The following LRRC37A2 variants were observed in gnomAD, a reference collection of about 807,000 sequenced individuals.
The protein encoded by LRRC37A2 is leucine rich repeat containing 37 member A2.
A neutral mutation model predicts 68.8 loss-of-function variants in LRRC37A2; 9 were observed. That is an observed-to-expected ratio of 0.13 (90% CI 0.08 to 0.23). The LOEUF (loss-of-function observed/expected upper bound fraction) is 0.23, where lower values mean the gene tolerates loss of function less well. Among genes scored for constraint, LRRC37A2 ranks in the 10% least tolerant of loss-of-function variants. The probability of loss-of-function intolerance (pLI) is 1.00; values close to 1 mark genes in which losing one functional copy is unlikely to be tolerated. For synonymous variants in LRRC37A2, 63 were observed against 367.6 expected (o/e 0.17, Z 9.48); for missense variants, 168 against 950.4 (o/e 0.18, Z 10.82).
At chr17:46,755,759 G>T in the LRRC37A2 span, 2 of 1,530,736 alleles carry the variant, frequency 1.3e-6, no homozygotes, top group South Asian at 1.2e-5. Flanking sequence ...AGTTTTTTAC[G>T]GACCCTCATC....
chr17:46,679,703 A>G, the LRRC37A2 span, among the ~76,000 whole-genome samples: 2 of 151,664 alleles, frequency 1.3e-5, no homozygotes, highest in Non-Finnish European at 2.9e-5. Flanking sequence ...AAAAAAAAAA[A>G]AAAGAAGCTA....
At chr17:46,839,956 CT>C in the LRRC37A2 span, among the ~76,000 whole-genome samples, 1 of 147,182 alleles carries the variant, frequency 6.8e-6, no homozygotes, top group Non-Finnish European at 1.5e-5. Flanking sequence ...TTCTTTCTTT[CT>C]TTCTTTCTTT....
the LRRC37A2 span, chr17:46,933,095 T>G: frequency 6.6e-6 from 1 of 152,256 alleles, no homozygotes; most frequent in Admixed American, 6.5e-5. Context: ...TTCAAAAATT[T>G]AATGAACTAT....
chr17:46,388,991 T>G, the LRRC37A2 span, among the ~76,000 whole-genome samples: 1 of 76,952 alleles, frequency 1.3e-5, no homozygotes, highest in African/African-American at 5.5e-5. Context: ...AGATCAGGAG[T>G]TCGAGACCAC....
chr17:46,931,046 TTTAAG>T, the LRRC37A2 span: 4 of 960,564 alleles, frequency 4.2e-6, 1 homozygote, highest in South Asian at 5.2e-5. Context: ...ATCATTGTAA[TTTAAG>T]TTCACTATCT....
chr17:46,888,320 G>A, the LRRC37A2 span, among the ~76,000 whole-genome samples: 1 of 152,132 alleles, frequency 6.6e-6, no homozygotes, highest in Non-Finnish European at 1.5e-5. Flanking sequence ...CAACGTTGCA[G>A]GGTCACTGGG....
chr17:46,961,978 C>A, the LRRC37A2 span, among the ~76,000 whole-genome samples: 2,247 of 152,128 alleles, frequency 0.015, 58 homozygotes, highest in African/African-American at 0.052. Context: ...CTGTGCAAAT[C>A]CAAAAACATG....
At chr17:46,874,928 G>A in the LRRC37A2 span, 1 of 998,112 alleles carries the variant, frequency 1.0e-6, no homozygotes, top group Non-Finnish European at 1.6e-6. Flanking sequence ...AGGGGCAGTT[G>A]ACAGGGAGAC....
the LRRC37A2 span, among the ~76,000 whole-genome samples, chr17:46,813,592 A>C: frequency 6.6e-6 from 1 of 151,836 alleles, no homozygotes; most frequent in East Asian, 1.9e-4. Flanking sequence ...TAGGTGGAAA[A>C]GGTTCTGCTC....
the LRRC37A2 span, among the ~76,000 whole-genome samples, chr17:46,982,370 G>A: frequency 2.0e-5 from 3 of 152,244 alleles, no homozygotes; most frequent in Admixed American, 6.5e-5. Context: ...GGTGGGGTGA[G>A]TGAGGATGCA....
At chr17:46,770,385 G>C in the LRRC37A2 span, among the ~76,000 whole-genome samples, 1 of 152,172 alleles carries the variant, frequency 6.6e-6, no homozygotes, top group South Asian at 2.1e-4. Context: ...CTTCTGTCCT[G>C]GTCCCACACC....
At chr17:46,751,277 C>T in the LRRC37A2 span, among the ~76,000 whole-genome samples, 4 of 152,060 alleles carry the variant, frequency 2.6e-5, no homozygotes, top group Non-Finnish European at 4.4e-5. Context: ...AGTTACATAG[C>T]GGTCCATAAG....
At chr17:46,745,684 G>T in the LRRC37A2 span, among the ~76,000 whole-genome samples, 1 of 152,148 alleles carries the variant, frequency 6.6e-6, no homozygotes, top group African/African-American at 2.4e-5. Flanking sequence ...ACATTAAAAA[G>T]CTAAAAAAGA....
At chr17:46,913,567 A>C in the LRRC37A2 span, among the ~76,000 whole-genome samples, 1 of 152,186 alleles carries the variant, frequency 6.6e-6, no homozygotes, top group Non-Finnish European at 1.5e-5. Context: ...CAGTGCATAC[A>C]AAGGCCAGAA....
At chr17:46,456,278 ATAATT>A in the LRRC37A2 span, among the ~76,000 whole-genome samples, 2 of 101,134 alleles carry the variant, frequency 2.0e-5, no homozygotes, top group Admixed American at 9.7e-5. Flanking sequence ...ATAATTATAT[ATAATT>A]TATCGTTATA....
chr17:46,817,034 T>C, the LRRC37A2 span, among the ~76,000 whole-genome samples: 1 of 152,152 alleles, frequency 6.6e-6, no homozygotes, highest in African/African-American at 2.4e-5. Flanking sequence ...AAAGTGTGGG[T>C]TGGGCAGAAG....
chr17:46,838,884 G>A, the LRRC37A2 span, among the ~76,000 whole-genome samples: 1 of 151,902 alleles, frequency 6.6e-6, no homozygotes, highest in Non-Finnish European at 1.5e-5. Flanking sequence ...AAAGAATTTT[G>A]TTTTGTTTTC....
chr17:47,007,697 A>T, the LRRC37A2 span: 2 of 152,190 alleles, frequency 1.3e-5, no homozygotes, highest in Non-Finnish European at 2.9e-5. Context: ...TTTCAGCTTG[A>T]ACAATTAATG....
chr17:46,525,632 C>A (rs3106338), intron 6 of LRRC37A2, among the ~76,000 whole-genome samples: 4 of 122,810 alleles, frequency 3.3e-5, no homozygotes, highest in African/African-American at 8.5e-5. Context: ...TCATCATCAT[C>A]ATCATCATCA....
Sources: allele counts gnomAD v4.1 joint callset (sites outside exome capture counted in the v4.1 genomes callset), GRCh38; gene constraint gnomAD v4.1.1; transcripts MANE v1.5; gene names NCBI Gene and HGNC (gene_info 2026-07-23, HGNC 2026-07-21).